FAM184B: variants seen among roughly 807,000 people sequenced by gnomAD.
FAM184B encodes protein FAM184B.
Under a neutral mutation model 135.9 loss-of-function variants are expected in FAM184B, and 111 were observed. The ratio of observed to expected loss-of-function variants is 0.82; its 90% CI spans 0.70 to 0.96. The LOEUF is 0.96. FAM184B is among the 40% of genes least tolerant of loss of function. FAM184B has a pLI of 0.00. For missense variants in FAM184B, 1,375 were observed against 1,323.9 expected (o/e 1.04, Z -0.60); for synonymous variants, 552 against 524.8 (o/e 1.05, Z -0.71).
intron 5 of FAM184B, 56 bp downstream of exon 5, chr4:17,704,944 A>C: frequency 1.4e-6 from 2 of 1,443,672 alleles, no homozygotes; most frequent in Non-Finnish European, 1.9e-6. Context: ...AAGGAAAGAA[A>C]GGAGGTGGGA....
chr4:17,708,051 C>G (rs941011186), intron 2 of FAM184B, among the ~76,000 whole-genome samples: 1 of 152,178 alleles, frequency 6.6e-6, no homozygotes, highest in African/African-American at 2.4e-5. Context: ...AGATGGGGCT[C>G]TGTGCTTTTG....
intron 1 of FAM184B, among the ~76,000 whole-genome samples, chr4:17,755,890 C>T (rs1234023476): frequency 2.0e-5 from 3 of 152,128 alleles, no homozygotes; most frequent in Admixed American, 1.3e-4. Flanking sequence ...GTAAACAACA[C>T]ACACTGGGGC....
At chr4:17,658,614 T>A (rs2302391) in intron 9 of FAM184B, 52 bp from the exon 10 acceptor site, 1 of 1,507,288 alleles carries the variant, frequency 6.6e-7, no homozygotes, top group Non-Finnish European at 9.0e-7. Context: ...TTTCCTGGGA[T>A]GTTTTCTTCA....
chr4:17,665,457 G>C (rs746149256), intron 7 of FAM184B, among the ~76,000 whole-genome samples: 2 of 152,204 alleles, frequency 1.3e-5, no homozygotes, highest in Non-Finnish European at 2.9e-5. Context: ...GGTAGGAACA[G>C]ATTTGTCTCA....
intron 11 of FAM184B, among the ~76,000 whole-genome samples, chr4:17,649,317 G>A (rs1715544557): frequency 6.6e-6 from 1 of 152,196 alleles, no homozygotes; most frequent in African/African-American, 2.4e-5. Flanking sequence ...AGGCGTGGTG[G>A]CTCATGCCTG....
intron 5 of FAM184B, among the ~76,000 whole-genome samples, chr4:17,699,107 T>C (rs1409159638): frequency 3.9e-5 from 6 of 152,050 alleles, no homozygotes; most frequent in Non-Finnish European, 5.9e-5. Context: ...AAAATTATAA[T>C]ATCTAAAGTG....
At chr4:17,739,225 C>T (rs1291810734) in intron 1 of FAM184B, among the ~76,000 whole-genome samples, 1 of 152,164 alleles carries the variant, frequency 6.6e-6, no homozygotes, top group Non-Finnish European at 1.5e-5. Flanking sequence ...TGATTCCTGG[C>T]AGGCTCCTTC....
intron 7 of FAM184B, among the ~76,000 whole-genome samples, chr4:17,665,284 G>A (rs1249529676): frequency 1.3e-5 from 2 of 152,088 alleles, no homozygotes; most frequent in Non-Finnish European, 2.9e-5. Context: ...GAAGAATATG[G>A]GAACGATTAG....
intron 14 of FAM184B, among the ~76,000 whole-genome samples, chr4:17,637,484 T>C (rs934856188): frequency 8.5e-5 from 13 of 152,178 alleles, no homozygotes; most frequent in African/African-American, 2.7e-4. Context: ...TTTCTAGATA[T>C]GTGACCTTGG....
chr4:17,636,866 G>T (rs555342417), intron 14 of FAM184B, among the ~76,000 whole-genome samples: 1 of 152,236 alleles, frequency 6.6e-6, no homozygotes, highest in East Asian at 1.9e-4. Context: ...GGAAGCAAAG[G>T]CCCCTGTGTG....
At chr4:17,662,799 AT>A (rs1245635750) in intron 8 of FAM184B, among the ~76,000 whole-genome samples, 3 of 152,216 alleles carry the variant, frequency 2.0e-5, no homozygotes, top group Admixed American at 2.0e-4. Context: ...TGTTGCTAAC[AT>A]TTTGTGTTGT....
chr4:17,680,102 A>G (rs1716401692), intron 7 of FAM184B, among the ~76,000 whole-genome samples: 1 of 152,216 alleles, frequency 6.6e-6, no homozygotes, highest in Non-Finnish European at 1.5e-5. Flanking sequence ...TGGGTGCACC[A>G]ACATCTCAGA....
rs554952302 is a variant in FAM184B at position 17,665,136 on chromosome 4, G to A, written c.1597-477C>T. 5.3e-5 allele frequency among the ~76,000 whole-genome samples: 8 copies of A among 152,226 alleles called. No individual in the cohort carries two copies. In the East Asian group the frequency reaches 1.4e-3, roughly 26 times the overall value. On this transcript the variant is annotated intron_variant, in intron 7 of 17. Transcript: ENST00000265018. Reference sequence around the variant, plus strand: ...TTGTGAGGACCTGAGAACAATGCTGGCTCATGGCTAGTGGTCAGTAAGTGT... The same window carrying A: ...TTGTGAGGACCTGAGAACAATGCTGACTCATGGCTAGTGGTCAGTAAGTGT...
chr4:17,706,909 C>T (rs1302606027), intron 3 of FAM184B, among the ~76,000 whole-genome samples: 3 of 152,062 alleles, frequency 2.0e-5, no homozygotes, highest in Non-Finnish European at 4.4e-5. Context: ...CCTCAGCCTC[C>T]CAAGTAGCTA....
intron 7 of FAM184B, among the ~76,000 whole-genome samples, chr4:17,680,322 T>C (rs996958413): frequency 1.3e-5 from 2 of 152,302 alleles, no homozygotes; most frequent in East Asian, 3.9e-4. Context: ...TGAGCCTGTC[T>C]TGTACCTGGT....
intron 11 of FAM184B, among the ~76,000 whole-genome samples, chr4:17,650,539 G>T (rs892049234): frequency 1.3e-5 from 2 of 152,152 alleles, no homozygotes; most frequent in Admixed American, 1.3e-4. Context: ...GAAAAGCCAG[G>T]GAAGGGGTGG....
chr4:17,706,081 C>T (rs137986967), intron 3 of FAM184B, among the ~76,000 whole-genome samples, 190 bp from the exon 4 acceptor site: 26 of 152,346 alleles, frequency 1.7e-4, no homozygotes, highest in African/African-American at 6.0e-4. Context: ...TCTCAAGAAG[C>T]CTCGTGAGCT....
At chr4:17,778,411 C>T (rs2109000648) in intron 1 of FAM184B, among the ~76,000 whole-genome samples, 1 of 152,132 alleles carries the variant, frequency 6.6e-6, no homozygotes, top group East Asian at 1.9e-4. Context: ...TACCAAGGCA[C>T]CTACAGAAAG....
chr4:17,717,830 A>T (rs996297702), intron 1 of FAM184B, among the ~76,000 whole-genome samples: 6 of 152,174 alleles, frequency 3.9e-5, no homozygotes, highest in African/African-American at 1.2e-4. Flanking sequence ...GAGGGCCCAG[A>T]GTATGACATT....
Sources: gnomAD v4.1 joint callset for allele counts (sites outside exome capture counted in the v4.1 genomes callset) on GRCh38, gnomAD v4.1.1 for gene constraint, MANE v1.5 for transcripts, NCBI Gene and HGNC (gene_info 2026-07-23, HGNC 2026-07-21) for gene names.